DNAH6: variants seen among roughly 807,000 people sequenced by gnomAD.
DNAH6 encodes the protein axonemal beta dynein heavy chain 6.
DNAH6 carries 340 observed loss-of-function variants against 491.4 expected under a neutral mutation model. The observed-to-expected ratio is 0.69, with a 90% CI of 0.63 to 0.76. The LOEUF is 0.76. Ranked by LOEUF, DNAH6 falls within the 30% of genes least tolerant of loss-of-function variation. DNAH6 has a pLI of 0.00. For missense variants in DNAH6, 4,443 were observed against 4,972.2 expected, an observed-to-expected ratio of 0.89 and a Z score of 3.20; for synonymous variants, 1,603 against 1,686.1, an observed-to-expected ratio of 0.95 and a Z score of 1.21.
Position 84,525,642 on chromosome 2 carries a change from A to G in DNAH6, c.303A>G (p.Ala101=), listed in dbSNP as rs1490900672. 1.3e-6 allele frequency: 2 copies of G among 1,550,600 alleles called. No homozygotes were observed. The highest frequency in any genetic ancestry group is 3.9e-5 in the Admixed American group (2 of 50,920). Residue 101 remains alanine, a synonymous_variant, in exon 3 of 77, where the codon GCA becomes GCG. Coordinates refer to ENST00000389394, the MANE Select transcript of DNAH6 (RefSeq NM_001370.2). The part of the protein sequence containing the change: ...HEQNRFQLMT[A]GIIKRPVSIA... ...AGAACCGATTTCAGTTAATGACTGC[A>G]GGAATCATTAAACGTCCAGTAAGCA...
At chr2:84,710,232 C>G in intron 55 of DNAH6, 55 bp from the exon 56 acceptor site, 1 of 1,513,216 alleles carries the variant, frequency 6.6e-7, no homozygotes, top group South Asian at 1.3e-5. Flanking sequence ...CTTTCGCTTT[C>G]TAGCCATTTA....
chr2:84,805,552 A>T, intron 70 of DNAH6, 113 bp from the exon 71 acceptor site: 1 of 958,420 alleles, frequency 1.0e-6, no homozygotes, highest in Non-Finnish European at 1.5e-6. Context: ...AAGTGAAAAT[A>T]AATAATATGG....
At chr2:84,461,712 T>A in the DNAH6 span, among the ~76,000 whole-genome samples, 5 of 152,250 alleles carry the variant, frequency 3.3e-5, no homozygotes, top group Admixed American at 3.3e-4. Flanking sequence ...CTTTTTTACA[T>A]GGCAGGATCA....
chr2:84,500,255 T>A, the DNAH6 span, among the ~76,000 whole-genome samples: 1 of 152,178 alleles, frequency 6.6e-6, no homozygotes. Context: ...CATATGAATA[T>A]CCAGTTTTTC....
At chr2:84,769,450 C>G (rs1307872657) in intron 64 of DNAH6, among the ~76,000 whole-genome samples, 1 of 152,170 alleles carries the variant, frequency 6.6e-6, no homozygotes, top group Non-Finnish European at 1.5e-5. Flanking sequence ...TTTCAGCAAC[C>G]AAGTGAATGC....
At chr2:84,601,614 G>A (rs1160303587) in intron 18 of DNAH6, among the ~76,000 whole-genome samples, 1 of 144,026 alleles carries the variant, frequency 6.9e-6, no homozygotes, top group Non-Finnish European at 1.5e-5. Context: ...TTTAGAATAG[G>A]TTTTTTTAGA....
intron 14 of DNAH6, among the ~76,000 whole-genome samples, chr2:84,580,227 G>A (rs894125089): frequency 1.3e-5 from 2 of 152,076 alleles, no homozygotes; most frequent in African/African-American, 4.8e-5. Flanking sequence ...GGGAGGTGGA[G>A]GTGGGGAGAA....
chr2:84,707,044 T>G (rs878893122), intron 53 of DNAH6, 25 bp downstream of exon 53: 1 of 1,497,636 alleles, frequency 6.7e-7, no homozygotes, highest in South Asian at 1.3e-5. Flanking sequence ...AAATTTACAT[T>G]GGCCAGGAAA....
chr2:84,583,986 T>C lies in DNAH6; in HGVS notation c.2230-13T>C, dbSNP rs751846024. The C allele has an allele frequency of 5.6e-6, 9 of 1,611,542 alleles. No homozygotes were observed. The highest frequency in any genetic ancestry group is 7.6e-6 in the Non-Finnish European group (9 of 1,178,526). On this transcript the variant is annotated splice_polypyrimidine_tract_variant and intron_variant, in intron 14 of 76. Transcript: ENST00000389394. ...TCTGCTACATTTAATGAGCAAACTA[T>C]GTTTCCATTTAGATTGAAAGCCTTG...
intron 31 of DNAH6, among the ~76,000 whole-genome samples, chr2:84,638,836 A>G (rs567680491): frequency 4.7e-4 from 71 of 152,204 alleles, no homozygotes; most frequent in Admixed American, 2.7e-3. Context: ...AGGAGCTTTT[A>G]CTCATGGTGG....
chr2:84,508,931 G>T, the DNAH6 span, among the ~76,000 whole-genome samples: 1 of 152,210 alleles, frequency 6.6e-6, no homozygotes, highest in Non-Finnish European at 1.5e-5. Flanking sequence ...TGGTCTGAGA[G>T]ACAGTTTCTT....
chr2:84,695,242 G>A (rs574539807), intron 46 of DNAH6, among the ~76,000 whole-genome samples: 18 of 151,900 alleles, frequency 1.2e-4, no homozygotes, highest in Non-Finnish European at 2.5e-4. Flanking sequence ...GAAAACAAAG[G>A]GCTTTAAACA....
chr2:84,777,561 C>T (rs1676261097), intron 64 of DNAH6: 2 of 779,230 alleles, frequency 2.6e-6, no homozygotes, highest in Admixed American at 1.7e-5. Context: ...TACTTGTGAA[C>T]CTCTTTCCAC....
At chr2:84,809,940 A>G (rs1048909892) in intron 72 of DNAH6, among the ~76,000 whole-genome samples, 6 of 152,134 alleles carry the variant, frequency 3.9e-5, no homozygotes, top group African/African-American at 1.4e-4. Context: ...CCCAGCCTCA[A>G]GGGTGGCTGG....
intron 39 of DNAH6, among the ~76,000 whole-genome samples, chr2:84,671,264 T>TG (rs1167744655): frequency 6.6e-6 from 1 of 152,152 alleles, no homozygotes; most frequent in African/African-American, 2.4e-5. Flanking sequence ...AGTGGGCTCT[T>TG]GTAAGCAACT....
At chr2:84,708,137 C>A (rs564025395) in intron 54 of DNAH6, among the ~76,000 whole-genome samples, 1 of 152,192 alleles carries the variant, frequency 6.6e-6, no homozygotes, top group East Asian at 1.9e-4. Context: ...GCTTTTATCT[C>A]TATAAGAAAG....
At chr2:84,803,137 C>G (rs913477496) in intron 70 of DNAH6, among the ~76,000 whole-genome samples, 4 of 152,118 alleles carry the variant, frequency 2.6e-5, no homozygotes, top group African/African-American at 9.7e-5. Flanking sequence ...AATTAACAAC[C>G]TAATGTTGCA....
intron 3 of DNAH6, among the ~76,000 whole-genome samples, chr2:84,526,342 C>T (rs1438943119): frequency 6.6e-6 from 1 of 152,126 alleles, no homozygotes; most frequent in Admixed American, 6.6e-5. Flanking sequence ...CAGTCACACA[C>T]TGAGTGCTGG....
rs573963663 is a variant in DNAH6 at position 84,783,675 on chromosome 2, A to G, written c.10865-1047A>G. 1.1e-4 allele frequency among the ~76,000 whole-genome samples: 16 copies of G among 152,370 alleles called. No homozygotes were observed. The East Asian group carries it at 1.5e-3, about 15-fold the overall frequency. Reference sequence around the variant, plus strand: ...TAAATAATTAAGGGCCTAGTGTACCATGTATTGTTCTAGGATATGTTGATA... The same window carrying G: ...TAAATAATTAAGGGCCTAGTGTACCGTGTATTGTTCTAGGATATGTTGATA... On this transcript the variant is annotated intron_variant, in intron 65 of 76. Transcript: ENST00000389394.
Sources: gnomAD v4.1 joint callset for allele counts (sites outside exome capture counted in the v4.1 genomes callset) on GRCh38, gnomAD v4.1.1 for gene constraint, MANE v1.5 for transcripts, NCBI Gene and HGNC (gene_info 2026-07-23, HGNC 2026-07-21) for gene names.